SMARCC1: variants seen among roughly 807,000 people sequenced by gnomAD.
The protein encoded by SMARCC1 is SWI/SNF related BAF chromatin remodeling complex subunit C1.
A neutral mutation model predicts 147.4 loss-of-function variants in SMARCC1; 43 were observed. That is an observed-to-expected ratio of 0.29 (90% confidence interval 0.23 to 0.38). The LOEUF is 0.38. Ranked by LOEUF, SMARCC1 falls within the 10% of genes least tolerant of loss-of-function variation. SMARCC1 has a pLI of 1.00. For synonymous variants in SMARCC1, 495 were observed against 484.4 expected (o/e 1.02, Z -0.29); for missense variants, 1,119 against 1,381.1 (o/e 0.81, Z 3.01).
At chr3:47,718,509 T>A (rs147981511) in intron 7 of SMARCC1, among the ~76,000 whole-genome samples, 1 of 152,084 alleles carries the variant, frequency 6.6e-6, no homozygotes, top group East Asian at 1.9e-4. Flanking sequence ...TGTTTGGGAT[T>A]TGCTATAAAT....
chr3:47,772,969 T>C (rs370198009), intron 1 of SMARCC1, 33 bp from the exon 2 acceptor site: 8 of 1,599,990 alleles, frequency 5.0e-6, no homozygotes, highest in South Asian at 3.3e-5. Context: ...CAAAAACTAG[T>C]ACAATTTTTG....
intron 7 of SMARCC1, among the ~76,000 whole-genome samples, chr3:47,718,917 TA>T (rs1197284005): frequency 1.3e-5 from 2 of 151,966 alleles, no homozygotes; most frequent in Admixed American, 6.6e-5. Flanking sequence ...TTTAATAAAT[TA>T]AAAAAAATTT....
At chr3:47,593,423 C>T (rs1395918910) in intron 26 of SMARCC1, among the ~76,000 whole-genome samples, 1 of 152,086 alleles carries the variant, frequency 6.6e-6, no homozygotes, top group Non-Finnish European at 1.5e-5. Context: ...CTGCCCGCCT[C>T]GGCCGCCCAA....
intron 6 of SMARCC1, among the ~76,000 whole-genome samples, chr3:47,727,970 C>T (rs928367502): frequency 6.6e-6 from 1 of 151,878 alleles, no homozygotes; most frequent in Non-Finnish European, 1.5e-5. Context: ...TTATCACATG[C>T]CACAGTCTCA....
At chr3:47,601,045 G>GAGAGAC (rs1376795458) in intron 26 of SMARCC1, among the ~76,000 whole-genome samples, 1 of 138,632 alleles carries the variant, frequency 7.2e-6, no homozygotes, top group Non-Finnish European at 1.6e-5. Flanking sequence ...GAGAGAGAGA[G>GAGAGAC]AGACATGGCA....
chr3:47,672,507 C>T (rs559703165), intron 18 of SMARCC1, among the ~76,000 whole-genome samples: 6 of 152,124 alleles, frequency 3.9e-5, no homozygotes, highest in Admixed American at 6.6e-5. Flanking sequence ...CGTCCAGCCC[C>T]GCAAGGATTA....
chr3:47,756,533 CAAAAAAAAAA>C (rs11353915), intron 2 of SMARCC1, among the ~76,000 whole-genome samples: 2 of 83,110 alleles, frequency 2.4e-5, no homozygotes, highest in African/African-American at 9.4e-5. Flanking sequence ...AACTCCGTCT[CAAAAAAAAAA>C]AAAAAAAAAA....
At chr3:47,602,503 G>C (rs1434292266) in intron 26 of SMARCC1, among the ~76,000 whole-genome samples, 1 of 152,002 alleles carries the variant, frequency 6.6e-6, no homozygotes, top group Non-Finnish European at 1.5e-5. Context: ...TCACCATGTT[G>C]CCCAGGTTGG....
At chr3:47,636,919 C>T (rs1195009852) in intron 22 of SMARCC1, among the ~76,000 whole-genome samples, 2 of 151,576 alleles carry the variant, frequency 1.3e-5, no homozygotes, top group Non-Finnish European at 2.9e-5. Context: ...TGAAATGCTG[C>T]TGGAAAAGTT....
intron 7 of SMARCC1, among the ~76,000 whole-genome samples, chr3:47,718,138 CAA>C (rs71070217): frequency 6.7e-4 from 36 of 53,666 alleles, no homozygotes; most frequent in South Asian, 1.6e-3. Flanking sequence ...GACCTTGTCT[CAA>C]AAAAAAAAAA....
At position 47,710,725 on chromosome 3, in the gene SMARCC1, C is replaced by T. The variant is rs2034074929; in HGVS notation, c.876G>A (p.Lys292=). 2 of 1,613,796 alleles carry T rather than the reference C, an allele frequency of 1.2e-6. No individual in the cohort carries two copies. Among genetic ancestry groups the T allele is most frequent in the Non-Finnish European group, 1.7e-6 (2 of 1,179,856 alleles). ...AAATCCGCTGACGAAAACTCACAGGCTTCCTATTTTCATCCACCTCATAAT... is the reference window on the plus strand; with the variant it reads ...AAATCCGCTGACGAAAACTCACAGGTTTCCTATTTTCATCCACCTCATAAT... ...EEDYEVDENR[K]PVSFRQRIST... Residue 292 remains lysine (K), a synonymous_variant, in exon 9 of 28, where the codon AAG becomes AAA. Transcript: ENST00000254480.
At chr3:47,653,204 G>T (rs1169237275) in intron 21 of SMARCC1, among the ~76,000 whole-genome samples, 2 of 152,206 alleles carry the variant, frequency 1.3e-5, no homozygotes, top group African/African-American at 4.8e-5. Context: ...TGATCCACCC[G>T]CCTCGGCCTC....
chr3:47,712,311 AT>A (rs1409446683), intron 8 of SMARCC1, among the ~76,000 whole-genome samples: 6 of 152,310 alleles, frequency 3.9e-5, no homozygotes, highest in African/African-American at 1.2e-4. Context: ...GAAAAAAAAA[AT>A]AGGACTGTGC....
At chr3:47,758,610 T>C (rs1046748736) in intron 2 of SMARCC1, among the ~76,000 whole-genome samples, 4 of 152,160 alleles carry the variant, frequency 2.6e-5, no homozygotes, top group African/African-American at 7.2e-5. Flanking sequence ...ATTTACGTAT[T>C]GTATATAGCT....
chr3:47,621,818 T>TAAAAAAAA (rs775171684), intron 25 of SMARCC1, among the ~76,000 whole-genome samples: 1 of 129,512 alleles, frequency 7.7e-6, no homozygotes. Context: ...ATTAAAACTT[T>TAAAAAAAA]AAAAAAAAAA....
At chr3:47,779,350 T>C (rs2035015279) in intron 1 of SMARCC1, among the ~76,000 whole-genome samples, 1 of 152,192 alleles carries the variant, frequency 6.6e-6, no homozygotes, top group African/African-American at 2.4e-5. Flanking sequence ...AAACGGTTAG[T>C]TAAAACCAAT....
At chr3:47,684,644 G>A (rs1026300708) in intron 14 of SMARCC1, among the ~76,000 whole-genome samples, 1 of 151,924 alleles carries the variant, frequency 6.6e-6, no homozygotes, top group African/African-American at 2.4e-5. Flanking sequence ...GGTTTCACCA[G>A]GTTGGCCAGG....
At chr3:47,728,907 A>G in intron 6 of SMARCC1, 118 bp downstream of exon 6, 1 of 607,986 alleles carries the variant, frequency 1.6e-6, no homozygotes, top group South Asian at 3.3e-5. Flanking sequence ...TCCATCTTCA[A>G]AACAAAACAA....
At chr3:47,663,013 T>A (rs972265538) in intron 19 of SMARCC1, among the ~76,000 whole-genome samples, 2 of 149,134 alleles carry the variant, frequency 1.3e-5, no homozygotes, top group Non-Finnish European at 3.0e-5. Flanking sequence ...GAGGCAGAAG[T>A]TGCAGTGAGC....
Sources: gnomAD v4.1 joint callset for allele counts (sites outside exome capture counted in the v4.1 genomes callset) on GRCh38, gnomAD v4.1.1 for gene constraint, MANE v1.5 for transcripts, NCBI Gene and HGNC (gene_info 2026-07-23, HGNC 2026-07-21) for gene names.